The following WDR5 variants were observed in gnomAD, a reference collection of about 807,000 sequenced individuals.
The protein encoded by WDR5 is WD repeat-containing protein 5.
For missense variants in WDR5, 187 were observed against 416.9 expected, an observed-to-expected ratio of 0.45 and a Z score of 4.80; for synonymous variants, 144 against 161.6, an observed-to-expected ratio of 0.89 and a Z score of 0.83.
chr9:134,144,482 G>A (rs1832065634), intron 7 of WDR5, among the ~76,000 whole-genome samples: 1 of 152,202 alleles, frequency 6.6e-6, no homozygotes, highest in African/African-American at 2.4e-5. Context: ...GGTGGGACTC[G>A]CGGTTGATAG....
chr9:134,141,675 A>G, intron 4 of WDR5, 92 bp downstream of exon 4: 2 of 1,337,568 alleles, frequency 1.5e-6, no homozygotes, highest in Non-Finnish European at 2.1e-6. Flanking sequence ...CTGTGGGTTC[A>G]GGTTTTAAGT....
intron 1 of WDR5, among the ~76,000 whole-genome samples, chr9:134,138,095 T>A (rs1333074041): frequency 6.6e-6 from 1 of 152,178 alleles, no homozygotes; most frequent in Non-Finnish European, 1.5e-5. Flanking sequence ...TTTTACATGT[T>A]CATGTTTTTT....
Position 134,157,251 on chromosome 9 carries a change from G to T in WDR5, c.905-642G>T, listed in dbSNP as rs1832788439. ...CTGGGGTCAGTGCTTACGCTCCACG[G>T]CGGGCCTGGGCCTTCCCCTGGGTCC... On this transcript the variant is annotated intron_variant, in intron 13 of 13. Transcript: ENST00000358625. The surrounding 1 kb of genome is among the most constrained non-coding windows in gnomAD (Gnocchi z 5.0). 6.6e-6 allele frequency among the ~76,000 whole-genome samples: 1 copy of T among 152,244 alleles called. No homozygotes were observed. Among genetic ancestry groups the T allele is most frequent in the Admixed American group, 6.5e-5 (1 of 15,292 alleles).
At position 134,157,627 on chromosome 9, in the gene WDR5, G is replaced by C. The variant is rs1039595088; in HGVS notation, c.905-266G>C. 4.6e-5 allele frequency among the ~76,000 whole-genome samples: 7 copies of C among 152,090 alleles called. No individual in the cohort carries two copies. Among genetic ancestry groups the C allele is most frequent in the African/African-American group, 1.7e-4 (7 of 41,416 alleles). On this transcript the variant is annotated intron_variant, in intron 13 of 13. Transcript: ENST00000358625. The surrounding 1 kb of genome is among the most constrained non-coding windows in gnomAD (Gnocchi z 5.0). ...TTGGTGGGGGCGTGTGGGGCTCCTGGTCTGCAGGCAGGGCTGGCACTCCCT... is the reference window on the plus strand; with the variant it reads ...TTGGTGGGGGCGTGTGGGGCTCCTGCTCTGCAGGCAGGGCTGGCACTCCCT...
intron 4 of WDR5, 151 bp from the exon 5 acceptor site, chr9:134,141,798 T>C (rs938159103): frequency 2.3e-6 from 2 of 870,532 alleles, no homozygotes; most frequent in Non-Finnish European, 3.5e-6. Context: ...GCAGAAAGCC[T>C]GCTGTTTTTC....
At chr9:134,145,937 C>CTTTTTTTT (rs35158770) in intron 7 of WDR5, among the ~76,000 whole-genome samples, 1 of 139,398 alleles carries the variant, frequency 7.2e-6, no homozygotes. Context: ...TTCTTTCTTT[C>CTTTTTTTT]TTTTTTTTTT....
Position 134,139,857 on chromosome 9 carries a change from T to C in WDR5, c.-21T>C, listed in dbSNP as rs770721398. 3 of 1,613,474 alleles carry C rather than the reference T, an allele frequency of 1.9e-6. No homozygotes were observed. Among genetic ancestry groups the C allele is most frequent in the Non-Finnish European group, 2.5e-6 (3 of 1,179,922 alleles). The stretch of plus-strand genomic sequence containing the variant: ...ACCGGGTCCCTCCACCCTTGTCTCC[T>C]GTGCGGCCAGCGTCAGAGCCATGGC... On this transcript the variant is annotated 5_prime_UTR_variant, in exon 2 of 14. Coordinates refer to ENST00000358625, the MANE Select transcript of WDR5 (RefSeq NM_017588.3).
intron 1 of WDR5, among the ~76,000 whole-genome samples, chr9:134,137,285 A>G (rs1343772831): frequency 6.6e-6 from 1 of 152,064 alleles, no homozygotes; most frequent in Non-Finnish European, 1.5e-5. Flanking sequence ...CCAATTCATC[A>G]CCGTTCCCGT....
chr9:134,142,837 C>A, intron 7 of WDR5, 118 bp downstream of exon 7: 2 of 1,020,298 alleles, frequency 2.0e-6, no homozygotes, highest in South Asian at 1.4e-5. Flanking sequence ...CTAGCTGATT[C>A]CTGCTGTCAT....
chr9:134,152,238 G>A (rs967234366), intron 9 of WDR5, among the ~76,000 whole-genome samples: 3 of 152,232 alleles, frequency 2.0e-5, no homozygotes, highest in African/African-American at 4.8e-5. Flanking sequence ...TTCCTGCCAT[G>A]GCCTTTCTCT....
chr9:134,157,959 A>C lies in WDR5; in HGVS notation c.971A>C (p.Asp324Ala). 6.2e-7 allele frequency: 1 copy of C among 1,614,156 alleles called. No individual in the cohort carries two copies. The highest frequency in any genetic ancestry group is 8.5e-7 in the Non-Finnish European group (1 of 1,180,006). Residue 324 changes from aspartate to alanine, a missense_variant, in exon 14 of 14, where the codon GAC (aspartate) becomes GCC (alanine). Physicochemically the swap from Asp to Ala is moderately radical, Grantham distance 126. Coordinates refer to ENST00000358625, the MANE Select transcript of WDR5 (RefSeq NM_017588.3). This position sits in a 1 kb window ranked among gnomAD's most constrained non-coding sequence, Gnocchi z 5.0. The part of the protein sequence containing the change: ...NIIASAALEN[D>A]KTIKLWKSDC ...ATCGCCTCTGCTGCGCTAGAAAATG[A>C]CAAAACAATTAAACTGTGGAAGAGT...
At chr9:134,154,641 G>C in intron 10 of WDR5, 100 bp downstream of exon 10, 1 of 1,368,040 alleles carries the variant, frequency 7.3e-7, no homozygotes, top group Non-Finnish European at 1.0e-6. Context: ...TGTGGGCTTG[G>C]CACGGGATCC....
chr9:134,150,026 A>AT (rs1832414581), intron 8 of WDR5, among the ~76,000 whole-genome samples: 4 of 152,212 alleles, frequency 2.6e-5, no homozygotes, highest in African/African-American at 9.6e-5. Context: ...TTCAATAGTG[A>AT]ACTTTGAAGC....
intron 1 of WDR5, among the ~76,000 whole-genome samples, chr9:134,138,420 G>C (rs982748120): frequency 6.6e-6 from 1 of 152,174 alleles, no homozygotes; most frequent in Non-Finnish European, 1.5e-5. Context: ...CTCTCTCCCT[G>C]TATTTGTCCA....
Position 134,154,243 on chromosome 9 carries a change from G to C in WDR5, c.632-223G>C, listed in dbSNP as rs972917288. Among the ~76,000 whole-genome samples the C allele has an allele frequency of 1.2e-4, 18 of 152,210 alleles. 1 individual carries two copies. Among genetic ancestry groups the C allele is most frequent in the African/African-American group, 4.1e-4 (17 of 41,506 alleles). On this transcript the variant is annotated intron_variant, in intron 9 of 13. Coordinates refer to ENST00000358625, the MANE Select transcript of WDR5 (RefSeq NM_017588.3). ...TGTATTCGTAAAGTCCTGGTGTCAA[G>C]GGGCCCCCGGGCCTATGGGCTTGAG...
At chr9:134,143,263 G>A (rs963994839) in intron 7 of WDR5, among the ~76,000 whole-genome samples, 17 of 152,226 alleles carry the variant, frequency 1.1e-4, no homozygotes, top group African/African-American at 4.1e-4. Flanking sequence ...CCGAGAGGCC[G>A]GGCGTGGCGG....
chr9:134,137,640 T>C (rs1025825530), intron 1 of WDR5, among the ~76,000 whole-genome samples: 2 of 134,788 alleles, frequency 1.5e-5, no homozygotes, highest in Non-Finnish European at 3.1e-5. Context: ...GCCCAGATCG[T>C]GCACCTGGAC....
chr9:134,144,896 C>T (rs1832091162), intron 7 of WDR5, among the ~76,000 whole-genome samples: 1 of 152,002 alleles, frequency 6.6e-6, no homozygotes, highest in African/African-American at 2.4e-5. Context: ...CTGAGCCACC[C>T]CTGGGGTCAG....
At chr9:134,147,283 G>A (rs1406253596) in intron 7 of WDR5, among the ~76,000 whole-genome samples, 2 of 152,152 alleles carry the variant, frequency 1.3e-5, no homozygotes, top group African/African-American at 2.4e-5. Context: ...AGCATGCCCC[G>A]GGGACCTGTT....
Sources: gnomAD v4.1 joint callset for allele counts (sites outside exome capture counted in the v4.1 genomes callset) on GRCh38, gnomAD v4.1.1 for gene constraint, Gnocchi (gnomAD v3.1) non-coding constraint, MANE v1.5 for transcripts, NCBI Gene and HGNC (gene_info 2026-07-23, HGNC 2026-07-21) for gene names.